Variants in RUNDC3B observed in about 807,000 individuals in gnomAD.
RUNDC3B encodes the protein RUN domain-containing protein 3B.
A neutral mutation model predicts 58.4 loss-of-function variants in RUNDC3B; 33 were observed. The observed-to-expected ratio is 0.56, with a 90% CI of 0.43 to 0.75. RUNDC3B has a LOEUF of 0.75. Ranked by LOEUF, RUNDC3B falls within the 30% of genes least tolerant of loss-of-function variation. The pLI is 0.00. For missense variants in RUNDC3B, 501 were observed against 535.7 expected (o/e 0.94, Z 0.64); for synonymous variants, 193 against 195.2 (o/e 0.99, Z 0.10).
At chr7:87,817,215 T>G (rs1407289081) in intron 10 of RUNDC3B, among the ~76,000 whole-genome samples, 1 of 152,204 alleles carries the variant, frequency 6.6e-6, no homozygotes. Context: ...ACAAGTCCTG[T>G]CAGCTCCCAT....
chr7:87,759,278 A>G (rs1415225887), intron 6 of RUNDC3B, among the ~76,000 whole-genome samples: 1 of 152,198 alleles, frequency 6.6e-6, no homozygotes, highest in Non-Finnish European at 1.5e-5. Flanking sequence ...AAAAATTAAA[A>G]TAGTTAAGCT....
At chr7:87,673,941 T>A (rs1395616395) in intron 2 of RUNDC3B, among the ~76,000 whole-genome samples, 6 of 152,188 alleles carry the variant, frequency 3.9e-5, no homozygotes, top group African/African-American at 1.4e-4. Flanking sequence ...GTAGGTTCAG[T>A]CAATTGGCTT....
rs1584268923 is a variant in RUNDC3B at position 87,814,353 on chromosome 7, G to A, written c.1104-1788G>A. The stretch of plus-strand genomic sequence containing the variant: ...GACCTCAGGTGATCCGCCCGCCTTG[G>A]CCTCCCAAAGTGCTGGGATTACAGG... On this transcript the variant is annotated intron_variant, in intron 9 of 10. Transcript: ENST00000394654. 2.0e-5 allele frequency among the ~76,000 whole-genome samples: 3 copies of A among 152,224 alleles called. No individual in the cohort carries two copies. In the South Asian group the frequency reaches 6.2e-4, roughly 32 times the overall value.
At chr7:87,811,918 A>G (rs575670816) in intron 9 of RUNDC3B, among the ~76,000 whole-genome samples, 2 of 152,338 alleles carry the variant, frequency 1.3e-5, no homozygotes, top group Non-Finnish European at 2.9e-5. Flanking sequence ...AACAAAGAAC[A>G]AAAAGTACAT....
chr7:87,652,742 T>C (rs557764014), intron 2 of RUNDC3B, among the ~76,000 whole-genome samples: 125 of 151,564 alleles, frequency 8.2e-4, no homozygotes, highest in African/African-American at 3.0e-3. Context: ...TTTTTTGGTA[T>C]TTTAATATAT....
intron 6 of RUNDC3B, among the ~76,000 whole-genome samples, chr7:87,764,333 T>G (rs1833859526): frequency 6.6e-6 from 1 of 151,932 alleles, no homozygotes; most frequent in Admixed American, 6.6e-5. Context: ...CTTATTTAAT[T>G]TAAAGTATCA....
intron 4 of RUNDC3B, among the ~76,000 whole-genome samples, chr7:87,734,234 A>G (rs749994983): frequency 6.6e-6 from 1 of 152,140 alleles, no homozygotes; most frequent in Non-Finnish European, 1.5e-5. Flanking sequence ...CAGTCTGGCA[A>G]TTTTTCAAAA....
chr7:87,705,878 A>G (rs536635874), intron 3 of RUNDC3B, among the ~76,000 whole-genome samples: 1 of 152,202 alleles, frequency 6.6e-6, no homozygotes, highest in East Asian at 1.9e-4. Flanking sequence ...GGTTTTCATG[A>G]TATTCCAACT....
intron 4 of RUNDC3B, among the ~76,000 whole-genome samples, chr7:87,728,528 T>C (rs1158955662): frequency 1.3e-5 from 2 of 152,180 alleles, no homozygotes; most frequent in African/African-American, 4.8e-5. Flanking sequence ...TCTTCCAGTT[T>C]CTAGAAGATG....
chr7:87,756,180 G>A (rs1833360688), intron 6 of RUNDC3B, among the ~76,000 whole-genome samples: 1 of 151,956 alleles, frequency 6.6e-6, no homozygotes, highest in African/African-American at 2.4e-5. Context: ...TAAGTATTAA[G>A]TCCTTGATTT....
At chr7:87,745,243 A>G (rs1584079578) in intron 6 of RUNDC3B, among the ~76,000 whole-genome samples, 1 of 152,176 alleles carries the variant, frequency 6.6e-6, no homozygotes, top group Admixed American at 6.5e-5. Context: ...GGATTTTAGC[A>G]TCTATGTTCA....
chr7:87,641,987 T>A (rs745820747), intron 1 of RUNDC3B, among the ~76,000 whole-genome samples: 3 of 152,070 alleles, frequency 2.0e-5, no homozygotes, highest in Non-Finnish European at 4.4e-5. Flanking sequence ...ACAAAACATC[T>A]GTATCTTAAC....
intron 3 of RUNDC3B, among the ~76,000 whole-genome samples, chr7:87,709,828 T>C (rs1829908262): frequency 6.6e-6 from 1 of 152,194 alleles, no homozygotes; most frequent in African/African-American, 2.4e-5. Flanking sequence ...TGAAAATAAT[T>C]GATTTATGAA....
At chr7:87,633,901 A>G (rs1455678637) in intron 1 of RUNDC3B, among the ~76,000 whole-genome samples, 1 of 152,154 alleles carries the variant, frequency 6.6e-6, no homozygotes, top group Admixed American at 6.5e-5. Context: ...GGTAGTTTAT[A>G]AAGAAAAGAG....
chr7:87,769,849 G>A (rs1834178105), intron 6 of RUNDC3B, among the ~76,000 whole-genome samples: 1 of 151,868 alleles, frequency 6.6e-6, no homozygotes, highest in Non-Finnish European at 1.5e-5. Context: ...TCCCCTCCCT[G>A]TGTCCATGAA....
At chr7:87,752,592 G>A (rs1203598068) in intron 6 of RUNDC3B, among the ~76,000 whole-genome samples, 1 of 152,024 alleles carries the variant, frequency 6.6e-6, no homozygotes, top group Non-Finnish European at 1.5e-5. Flanking sequence ...CTTCTTCCTG[G>A]TTTAGTCTTG....
At chr7:87,776,465 G>A (rs1200297586) in intron 7 of RUNDC3B, among the ~76,000 whole-genome samples, 2 of 151,948 alleles carry the variant, frequency 1.3e-5, no homozygotes, top group African/African-American at 4.8e-5. Context: ...ACTAAACAAC[G>A]TATTGTTTAA....
At chr7:87,750,027 T>C (rs2130828983) in intron 6 of RUNDC3B, among the ~76,000 whole-genome samples, 1 of 149,446 alleles carries the variant, frequency 6.7e-6, no homozygotes, top group South Asian at 2.2e-4. Flanking sequence ...ATCCCTCCCC[T>C]CTCCCCCCAC....
intron 8 of RUNDC3B, among the ~76,000 whole-genome samples, chr7:87,781,258 G>A (rs1834904914): frequency 6.6e-6 from 1 of 150,638 alleles, no homozygotes; most frequent in Non-Finnish European, 1.5e-5. Flanking sequence ...GTTGTAAATG[G>A]GATTGTGTTT....
Sources: gnomAD v4.1 joint callset for allele counts (sites outside exome capture counted in the v4.1 genomes callset) on GRCh38, gnomAD v4.1.1 for gene constraint, MANE v1.5 for transcripts, NCBI Gene and HGNC (gene_info 2026-07-23, HGNC 2026-07-21) for gene names.